Variants in PARD3 observed in about 807,000 individuals in gnomAD.
PARD3 encodes par-3 family cell polarity regulator.
Under a neutral mutation model 155.4 loss-of-function variants are expected in PARD3, and 75 were observed. That is an observed-to-expected ratio of 0.48 (90% CI 0.40 to 0.58). The LOEUF (loss-of-function observed/expected upper bound fraction) is 0.58. PARD3 is among the 20% of genes least tolerant of loss of function. The pLI is 0.00. For synonymous variants in PARD3, 576 were observed against 610.5 expected (o/e 0.94, Z 0.83); for missense variants, 1,642 against 1,721.7 (o/e 0.95, Z 0.82).
intron 2 of PARD3, among the ~76,000 whole-genome samples, chr10:34,526,340 A>G (rs189141380): frequency 3.3e-4 from 51 of 152,272 alleles, no homozygotes; most frequent in African/African-American, 1.1e-3. Context: ...TCCCAGGCAT[A>G]AGTCACATCC....
intron 2 of PARD3, among the ~76,000 whole-genome samples, chr10:34,670,820 A>G (rs183608767): frequency 2.2e-4 from 33 of 152,322 alleles, no homozygotes; most frequent in Middle Eastern, 3.4e-3. Context: ...TATGCTTTCA[A>G]TCTTGTTTTT....
At chr10:34,760,716 C>T (rs1297705920) in intron 1 of PARD3, among the ~76,000 whole-genome samples, 1 of 152,194 alleles carries the variant, frequency 6.6e-6, no homozygotes, top group Non-Finnish European at 1.5e-5. Context: ...CTGTTTTAGG[C>T]ACTCACTGGC....
chr10:34,241,259 CA>C (rs1382339979), intron 22 of PARD3, among the ~76,000 whole-genome samples: 1 of 152,176 alleles, frequency 6.6e-6, no homozygotes, highest in Non-Finnish European at 1.5e-5. Flanking sequence ...CCAGTCATTT[CA>C]AGATCCAGAG....
intron 1 of PARD3, among the ~76,000 whole-genome samples, chr10:34,800,431 G>A (rs1006846454): frequency 6.6e-6 from 1 of 151,838 alleles, no homozygotes; most frequent in Non-Finnish European, 1.5e-5. Flanking sequence ...TAAACCAGGT[G>A]AAACCCCATC....
intron 22 of PARD3, among the ~76,000 whole-genome samples, chr10:34,205,854 G>T (rs556037559): frequency 3.5e-4 from 53 of 152,320 alleles, no homozygotes; most frequent in Middle Eastern, 3.4e-3. Flanking sequence ...CCACCACAGC[G>T]TATGCTCCGG....
At chr10:34,236,304 T>C (rs939020155) in intron 22 of PARD3, among the ~76,000 whole-genome samples, 2 of 152,142 alleles carry the variant, frequency 1.3e-5, no homozygotes, top group African/African-American at 2.4e-5. Context: ...AACACAGATA[T>C]TGAAGCTTAT....
intron 22 of PARD3, among the ~76,000 whole-genome samples, chr10:34,215,047 C>A (rs1180992612): frequency 1.3e-5 from 2 of 152,164 alleles, no homozygotes; most frequent in Admixed American, 6.5e-5. Context: ...CATCTTGCAT[C>A]AATCCTGCAA....
intron 2 of PARD3, among the ~76,000 whole-genome samples, chr10:34,557,083 G>C (rs925745199): frequency 6.6e-6 from 1 of 152,180 alleles, no homozygotes; most frequent in Non-Finnish European, 1.5e-5. Flanking sequence ...ACCCTGCAGA[G>C]AGGAATGTCA....
At chr10:34,507,562 CAAAA>C (rs980654094) in intron 3 of PARD3, among the ~76,000 whole-genome samples, 1 of 87,332 alleles carries the variant, frequency 1.1e-5, no homozygotes, top group Non-Finnish European at 2.2e-5. Flanking sequence ...AAAAAAAAAA[CAAAA>C]AAGGAGATAC....
At chr10:34,791,022 CA>C (rs1157579202) in intron 1 of PARD3, among the ~76,000 whole-genome samples, 14 of 152,124 alleles carry the variant, frequency 9.2e-5, no homozygotes, top group Admixed American at 9.2e-4. Flanking sequence ...TCAAAAAATA[CA>C]AAATAACTCA....
chr10:34,453,556 T>G (rs1437064573), intron 4 of PARD3, among the ~76,000 whole-genome samples: 4 of 152,190 alleles, frequency 2.6e-5, no homozygotes, highest in Admixed American at 1.3e-4. Context: ...TTTTGATAAG[T>G]TGTTTTAAAA....
intron 5 of PARD3, among the ~76,000 whole-genome samples, chr10:34,443,372 T>C (rs183563395): frequency 6.6e-6 from 1 of 152,298 alleles, no homozygotes; most frequent in Admixed American, 6.5e-5. Flanking sequence ...ATAACTTATA[T>C]ATTGTGTATT....
intron 22 of PARD3, among the ~76,000 whole-genome samples, chr10:34,185,824 T>C (rs999647114): frequency 4.0e-5 from 5 of 125,038 alleles, no homozygotes; most frequent in Admixed American, 1.5e-4. Flanking sequence ...TATTATATTA[T>C]ATTATATTAT....
intron 2 of PARD3, among the ~76,000 whole-genome samples, chr10:34,582,096 A>T (rs1430467615): frequency 2.0e-5 from 3 of 152,254 alleles, no homozygotes; most frequent in Non-Finnish European, 4.4e-5. Context: ...TCATCATGTG[A>T]ATTTATTGCC....
chr10:34,536,506 T>C (rs2083243196), intron 2 of PARD3, among the ~76,000 whole-genome samples: 1 of 152,188 alleles, frequency 6.6e-6, no homozygotes, highest in Admixed American at 6.5e-5. Context: ...ATCTCTCAGT[T>C]TTCTAAAAAC....
chr10:34,346,074 A>T (rs1480980854), intron 15 of PARD3: 13 of 987,358 alleles, frequency 1.3e-5, no homozygotes, highest in Admixed American at 6.1e-5. Context: ...CCAAAGTGGT[A>T]AAAGGGCATA....
chr10:34,361,382 G>C (rs1189256878), intron 12 of PARD3, among the ~76,000 whole-genome samples: 3 of 152,138 alleles, frequency 2.0e-5, no homozygotes, highest in African/African-American at 7.2e-5. Flanking sequence ...TGAAGAATAA[G>C]AAATACAGTG....
chr10:34,740,917 G>A (rs1261006549), intron 1 of PARD3, among the ~76,000 whole-genome samples: 1 of 152,116 alleles, frequency 6.6e-6, no homozygotes, highest in Non-Finnish European at 1.5e-5. Flanking sequence ...GAACAATATG[G>A]TAGACAGGTA....
At chr10:34,362,153 G>T (rs995708070) in intron 12 of PARD3, among the ~76,000 whole-genome samples, 15 of 151,994 alleles carry the variant, frequency 9.9e-5, no homozygotes, top group African/African-American at 3.6e-4. Context: ...CAAAAAATTA[G>T]CCAGGCGTGG....
Sources: gnomAD v4.1 joint callset for allele counts (sites outside exome capture counted in the v4.1 genomes callset) on GRCh38, gnomAD v4.1.1 for gene constraint, MANE v1.5 for transcripts, NCBI Gene and HGNC (gene_info 2026-07-23, HGNC 2026-07-21) for gene names.